BMPER: variants seen among roughly 807,000 people sequenced by gnomAD.
BMPER encodes BMP binding endothelial regulator, also known as BMP-binding endothelial regulator protein.
In BMPER, 45 loss-of-function variants were observed where a neutral mutation model predicts 87.3. The ratio of observed to expected loss-of-function variants is 0.52; its 90% CI spans 0.41 to 0.66. The LOEUF (loss-of-function observed/expected upper bound fraction) is 0.66. Among genes scored for constraint, BMPER ranks in the 30% least tolerant of loss-of-function variants. The pLI is 0.00. For synonymous variants in BMPER, 326 were observed against 316.2 expected (o/e 1.03, Z -0.33); for missense variants, 784 against 867.5 (o/e 0.90, Z 1.21).
At chr7:33,956,245 T>C (rs187023173) in intron 3 of BMPER, among the ~76,000 whole-genome samples, 12 of 152,274 alleles carry the variant, frequency 7.9e-5, no homozygotes, top group Non-Finnish European at 1.5e-4. Context: ...ACCTCATCAA[T>C]ATAACAATCA....
At chr7:33,917,832 C>T (rs17170494) in intron 2 of BMPER, among the ~76,000 whole-genome samples, 1 of 151,752 alleles carries the variant, frequency 6.6e-6, no homozygotes, top group Admixed American at 6.6e-5. Flanking sequence ...ATTTTTAGAC[C>T]CTGTGTGGTC....
At chr7:34,117,000 A>G (rs554608391) in intron 13 of BMPER, among the ~76,000 whole-genome samples, 1 of 152,182 alleles carries the variant, frequency 6.6e-6, no homozygotes, top group East Asian at 1.9e-4. Flanking sequence ...CGAAAAAAAA[A>G]AAAGAAAAGA....
chr7:33,937,693 C>T (rs781471431), intron 3 of BMPER: 1 of 397,058 alleles, frequency 2.5e-6, no homozygotes, highest in African/African-American at 2.3e-5. Flanking sequence ...CATGCCTCTG[C>T]ATATTTGTAC....
chr7:34,102,880 C>A, intron 13 of BMPER, among the ~76,000 whole-genome samples: 1 of 152,122 alleles, frequency 6.6e-6, no homozygotes, highest in East Asian at 1.9e-4. Flanking sequence ...AGATGGAGAG[C>A]AAAGCTGGCC....
At chr7:34,141,806 C>T (rs1471233094) in intron 13 of BMPER, among the ~76,000 whole-genome samples, 1 of 152,038 alleles carries the variant, frequency 6.6e-6, no homozygotes, top group African/African-American at 2.4e-5. Flanking sequence ...CAAAACTGTG[C>T]CCTTGAGTGT....
chr7:34,074,480 GC>G (rs1319602293), intron 11 of BMPER, among the ~76,000 whole-genome samples: 2 of 152,170 alleles, frequency 1.3e-5, no homozygotes, highest in Non-Finnish European at 2.9e-5. Context: ...TAGACAAACA[GC>G]CTTTCCTGAT....
chr7:33,959,203 T>C (rs1266807326), intron 3 of BMPER, among the ~76,000 whole-genome samples: 1 of 152,206 alleles, frequency 6.6e-6, no homozygotes, highest in Non-Finnish European at 1.5e-5. Context: ...AGAATAAAAT[T>C]AAGTCCTATG....
chr7:33,958,449 C>G (rs949756808), intron 3 of BMPER, among the ~76,000 whole-genome samples: 2 of 152,196 alleles, frequency 1.3e-5, no homozygotes. Context: ...AAACATAAAT[C>G]CTCAACATCA....
intron 6 of BMPER, among the ~76,000 whole-genome samples, chr7:34,028,633 T>TTTTTG (rs1787439585): frequency 7.7e-6 from 1 of 129,876 alleles, no homozygotes; most frequent in Non-Finnish European, 1.6e-5. Context: ...TTTTTTTTTT[T>TTTTTG]GTAGCATTAC....
chr7:33,963,897 CTCTT>C (rs1383097081), intron 3 of BMPER, among the ~76,000 whole-genome samples: 1 of 152,166 alleles, frequency 6.6e-6, no homozygotes, highest in Non-Finnish European at 1.5e-5. Context: ...TTGTGTGCAT[CTCTT>C]TCTACCATGG....
chr7:34,031,604 C>G (rs148046691), intron 6 of BMPER, among the ~76,000 whole-genome samples: 1 of 151,716 alleles, frequency 6.6e-6, no homozygotes, highest in Non-Finnish European at 1.5e-5. Context: ...TTCATAGCCC[C>G]GTTCTCTTGG....
At chr7:33,940,969 TATA>T (rs1263728772) in intron 3 of BMPER, among the ~76,000 whole-genome samples, 2 of 135,840 alleles carry the variant, frequency 1.5e-5, no homozygotes, top group Admixed American at 8.1e-5. Flanking sequence ...TTATATATAA[TATA>T]ATTTATATAT....
At chr7:34,112,481 C>T (rs1484711010) in intron 13 of BMPER, among the ~76,000 whole-genome samples, 6 of 107,468 alleles carry the variant, frequency 5.6e-5, no homozygotes, top group African/African-American at 7.4e-5. Flanking sequence ...GGCGACGGAG[C>T]GAGACTCCGT....
intron 2 of BMPER, among the ~76,000 whole-genome samples, chr7:33,919,793 A>G (rs767031688): frequency 1.6e-4 from 25 of 152,330 alleles, no homozygotes; most frequent in Non-Finnish European, 3.4e-4. Flanking sequence ...TTATTGCTTT[A>G]AAGTTCTTTG....
At chr7:34,062,840 T>C (rs78576796) in intron 11 of BMPER, among the ~76,000 whole-genome samples, 4,686 of 152,326 alleles carry the variant, frequency 0.031, 93 homozygotes, top group Non-Finnish European at 0.041. Context: ...TATATTCCTA[T>C]GGGACCACAG....
intron 13 of BMPER, among the ~76,000 whole-genome samples, chr7:34,090,064 CTG>C (rs1232309968): frequency 1.3e-5 from 2 of 152,172 alleles, no homozygotes; most frequent in African/African-American, 4.8e-5. Context: ...AATTAACTAA[CTG>C]AATATGTTTG....
At chr7:34,138,533 A>G (rs886860881) in intron 13 of BMPER, among the ~76,000 whole-genome samples, 1 of 152,196 alleles carries the variant, frequency 6.6e-6, no homozygotes, top group African/African-American at 2.4e-5. Context: ...ACACAGAACA[A>G]GAGTCCTACC....
chr7:33,993,592 AT>A, intron 6 of BMPER, among the ~76,000 whole-genome samples: 1 of 151,866 alleles, frequency 6.6e-6, no homozygotes, highest in Non-Finnish European at 1.5e-5. Flanking sequence ...GAGTAATTTG[AT>A]CGTCTGAAGC....
chr7:33,951,125 G>A (rs1307190454), intron 3 of BMPER, among the ~76,000 whole-genome samples: 6 of 151,070 alleles, frequency 4.0e-5, no homozygotes, highest in African/African-American at 1.2e-4. Flanking sequence ...TCGGCTCACT[G>A]CAACCTCTGC....
Sources: allele counts gnomAD v4.1 joint callset (sites outside exome capture counted in the v4.1 genomes callset), GRCh38; gene constraint gnomAD v4.1.1; transcripts MANE v1.5; gene names NCBI Gene and HGNC (gene_info 2026-07-23, HGNC 2026-07-21).